Variants in KIZ observed in about 807,000 individuals in gnomAD.
KIZ encodes the protein centrosomal protein kizuna.
KIZ carries 68 observed loss-of-function variants against 79.6 expected under a neutral mutation model. That is an observed-to-expected ratio of 0.85 (90% CI 0.70 to 1.05). KIZ has a LOEUF of 1.05. KIZ is among the 50% of genes least tolerant of loss of function. The pLI, the probability that KIZ is intolerant of heterozygous loss-of-function variation, is 0.00. For missense variants in KIZ, 797 were observed against 800.4 expected, an observed-to-expected ratio of 1.00 and a Z score of 0.05; for synonymous variants, 280 against 281.8, an observed-to-expected ratio of 0.99 and a Z score of 0.06.
intron 12 of KIZ, 46 bp downstream of exon 12, chr20:21,244,334 CA>C: frequency 4.4e-6 from 6 of 1,356,412 alleles, no homozygotes; most frequent in Middle Eastern, 1.8e-4. Flanking sequence ...CTGTTTTAAC[CA>C]AAAAACTCTG....
intron 6 of KIZ, among the ~76,000 whole-genome samples, chr20:21,177,047 G>A (rs2034466595): frequency 6.6e-6 from 1 of 152,232 alleles, no homozygotes; most frequent in African/African-American, 2.4e-5. Context: ...ATTGCGAATA[G>A]TGCTGTGATG....
At chr20:21,187,617 G>A (rs1044373229) in intron 6 of KIZ, among the ~76,000 whole-genome samples, 8 of 152,124 alleles carry the variant, frequency 5.3e-5, no homozygotes, top group South Asian at 2.1e-4. Flanking sequence ...GAGCCTCCTC[G>A]TCTCCTCTCT....
Position 21,161,958 on chromosome 20 carries a change from T to G in KIZ, c.493T>G (p.Ser165Ala). 1.2e-6 allele frequency: 2 copies of G among 1,613,758 alleles called. No individual in the cohort carries two copies. The highest frequency in any genetic ancestry group is 1.7e-6 in the Non-Finnish European group (2 of 1,179,668). ...PATIFMGRQM[S>A]AILSMRDFST... is the part of the protein sequence containing the mutation. Reference sequence around the variant, plus strand: ...AACAATCTTTATGGGCCGCCAAATGTCAGCCATCTTAAGCATGAGAGATTT... The same window carrying G: ...AACAATCTTTATGGGCCGCCAAATGGCAGCCATCTTAAGCATGAGAGATTT... The change falls in exon 5 of 13, where the codon TCA (serine) becomes GCA (alanine). Residue 165 changes from serine (S) to alanine (A), a missense_variant. Transcript: ENST00000619189.
intron 6 of KIZ, among the ~76,000 whole-genome samples, chr20:21,178,003 C>T (rs546855172): frequency 6.6e-6 from 1 of 152,134 alleles, no homozygotes; most frequent in East Asian, 1.9e-4. Flanking sequence ...ATTTTGAAAT[C>T]AGGACGTGTG....
chr20:21,126,888 A>C (rs937444237), intron 1 of KIZ, among the ~76,000 whole-genome samples: 4 of 152,234 alleles, frequency 2.6e-5, no homozygotes, highest in African/African-American at 9.6e-5. Flanking sequence ...AACCACGTAA[A>C]AGATAAATTG....
chr20:21,172,373 C>A (rs537644230), intron 6 of KIZ, among the ~76,000 whole-genome samples: 1 of 152,042 alleles, frequency 6.6e-6, no homozygotes, highest in Non-Finnish European at 1.5e-5. Context: ...GAGGCTGAGG[C>A]GAATGGATTG....
chr20:21,137,566 A>C (rs2032268748), intron 3 of KIZ, among the ~76,000 whole-genome samples: 1 of 151,828 alleles, frequency 6.6e-6, no homozygotes, highest in African/African-American at 2.4e-5. Flanking sequence ...ATTATGATGA[A>C]CACTCATAAT....
At chr20:21,181,263 C>T (rs2034643719) in intron 6 of KIZ, among the ~76,000 whole-genome samples, 2 of 152,192 alleles carry the variant, frequency 1.3e-5, no homozygotes, top group Non-Finnish European at 2.9e-5. Flanking sequence ...CCAGTCCGCA[C>T]ACAAGAGCAG....
Position 21,204,393 on chromosome 20 carries a change from A to G in KIZ, c.1353-1098A>G, listed in dbSNP as rs370035465. On this transcript the variant is annotated intron_variant, in intron 6 of 12. Transcript: ENST00000619189. Reference sequence around the variant, plus strand: ...GCCTCCCAAAGTGCAAGATTCATCTATGTTGTAGTATGTGACAGGATTTCC... The same window carrying G: ...GCCTCCCAAAGTGCAAGATTCATCTGTGTTGTAGTATGTGACAGGATTTCC... Among the ~76,000 whole-genome samples, 36 of 152,116 alleles carry G rather than the reference A, an allele frequency of 2.4e-4. No individual in the cohort carries two copies. In the South Asian group the frequency reaches 2.7e-3, roughly 11 times the overall value.
At chr20:21,204,272 C>T (rs1277621238) in intron 6 of KIZ, among the ~76,000 whole-genome samples, 2 of 150,440 alleles carry the variant, frequency 1.3e-5, no homozygotes, top group Non-Finnish European at 3.0e-5. Context: ...CCCGCCACTA[C>T]GCCCGGCTAA....
intron 6 of KIZ, chr20:21,198,723 C>T (rs1346885892): frequency 2.0e-5 from 3 of 152,640 alleles, no homozygotes; most frequent in Non-Finnish European, 4.4e-5. Flanking sequence ...CTTTGTTTTA[C>T]ATTACCTTCT....
At chr20:21,154,214 A>G (rs2033261287) in intron 4 of KIZ, 1 of 152,204 alleles carries the variant, frequency 6.6e-6, no homozygotes, top group Admixed American at 6.5e-5. Flanking sequence ...TAATAAGAAG[A>G]AGAAAAATAA....
At chr20:21,228,850 A>G (rs1177681261) in intron 9 of KIZ, among the ~76,000 whole-genome samples, 161 bp from the exon 10 acceptor site, 1 of 152,212 alleles carries the variant, frequency 6.6e-6, no homozygotes, top group Non-Finnish European at 1.5e-5. Context: ...GGGTTCAACT[A>G]AATTGTTTTT....
chr20:21,246,521 C>T lies in KIZ; in HGVS notation c.1967C>T (p.Ala656Val). 6.2e-7 allele frequency: 1 copy of T among 1,612,016 alleles called. No homozygotes were observed. Among genetic ancestry groups the T allele is most frequent in the Admixed American group, 1.7e-5 (1 of 59,906 alleles). The change falls in exon 13 of 13, where the codon GCT becomes GTT. Residue 656 changes from alanine (A) to valine (V), a missense_variant. Ala to Val is a moderately conservative substitution (Grantham distance 64, BLOSUM62 0). Transcript: ENST00000619189. The part of the protein sequence containing the change: ...ESDDSNSEIE[A>V]ALRPRNHNTD... ...GATGACAGTAACTCAGAAATTGAGGCTGCTTTACGCCCCAGAAACCATAAC... is the reference window on the plus strand; with the variant it reads ...GATGACAGTAACTCAGAAATTGAGGTTGCTTTACGCCCCAGAAACCATAAC...
chr20:21,227,139 T>C (rs2036682708), intron 9 of KIZ, among the ~76,000 whole-genome samples: 1 of 152,218 alleles, frequency 6.6e-6, no homozygotes, highest in Non-Finnish European at 1.5e-5. Flanking sequence ...AAACCAGTAA[T>C]ACTATCAGCC....
At position 21,162,115 on chromosome 20, in the gene KIZ, G is replaced by A. The variant is rs563658932; in HGVS notation, c.650G>A (p.Cys217Tyr). Reference protein sequence around the residue: ...CVVQTSNDTQCLNKSDNIDGK... With the variant: ...CVVQTSNDTQYLNKSDNIDGK... ...GTACAAACTAGTAATGACACACAGT[G>A]CTTAAATAAGTCTGACAACATAGAT... is the stretch of plus-strand genomic sequence containing the variant. The change falls in exon 5 of 13, where the codon TGC (cysteine) becomes TAC (tyrosine). Residue 217 changes from cysteine (C) to tyrosine (Y), a missense_variant. By Grantham distance (194) the Cys-to-Tyr change is radical. Transcript: ENST00000619189. The A allele has an allele frequency of 6.2e-7, 1 of 1,612,880 alleles. No homozygotes were observed. The highest frequency in any genetic ancestry group is 1.7e-5 in the Admixed American group (1 of 59,960).
intron 4 of KIZ, chr20:21,148,950 T>A (rs1252710204): frequency 5.3e-5 from 8 of 152,224 alleles, no homozygotes; most frequent in Admixed American, 2.6e-4. Flanking sequence ...AAGGTGTTAT[T>A]CCCACTTTTA....
At chr20:21,242,542 A>C (rs1323807383) in intron 11 of KIZ, among the ~76,000 whole-genome samples, 2 of 128,538 alleles carry the variant, frequency 1.6e-5, no homozygotes, top group African/African-American at 5.9e-5. Context: ...GACTGCAGGA[A>C]GTATTGCAGG....
At chr20:21,126,754 A>G (rs1416992021) in intron 1 of KIZ, among the ~76,000 whole-genome samples, 11 of 152,206 alleles carry the variant, frequency 7.2e-5, no homozygotes, top group South Asian at 4.1e-4. Context: ...TTCCAGCTAG[A>G]GAAGTCCAGC....
Sources: allele counts gnomAD v4.1 joint callset (sites outside exome capture counted in the v4.1 genomes callset), GRCh38; gene constraint gnomAD v4.1.1; transcripts MANE v1.5; gene names NCBI Gene and HGNC (gene_info 2026-07-23, HGNC 2026-07-21).